The following PITPNA variants were observed in gnomAD, a reference collection of about 807,000 sequenced individuals.
PITPNA encodes the protein phosphatidylinositol transfer protein alpha.
In PITPNA, 13 loss-of-function variants were observed where a neutral mutation model predicts 50.3. The observed-to-expected ratio is 0.26, with a 90% CI of 0.17 to 0.41. The LOEUF (loss-of-function observed/expected upper bound fraction) is 0.41, where lower values mean the gene tolerates loss of function less well. Ranked by LOEUF, PITPNA falls within the 10% of genes least tolerant of loss-of-function variation. The pLI, the probability that PITPNA is intolerant of heterozygous loss-of-function variation, is 1.00. For synonymous variants in PITPNA, 120 were observed against 119.6 expected (o/e 1.00, Z -0.02); for missense variants, 207 against 333.4 (o/e 0.62, Z 2.95).
chr17:1,535,124 C>G (rs1425761075), intron 9 of PITPNA, 58 bp downstream of exon 9: 1 of 1,061,092 alleles, frequency 9.4e-7, no homozygotes, highest in Non-Finnish European at 1.4e-6. Context: ...AAGTTCTCCA[C>G]CACCCCCCCA....
Position 1,519,748 on chromosome 17 carries a change from G to A in PITPNA, c.*813C>T, listed in dbSNP as rs2075497609. On this transcript the variant is annotated 3_prime_UTR_variant, in exon 12 of 12. Coordinates refer to ENST00000313486, the MANE Select transcript of PITPNA (RefSeq NM_006224.4). ...TCGGGGTCAGACAGTTGGTATCTAG[G>A]GGGTGACTCAATTCTAGGGGCCACA... The A allele has an allele frequency of 6.6e-6, 1 of 152,572 alleles. No homozygotes were observed. The highest frequency in any genetic ancestry group is 2.4e-5 in the African/African-American group (1 of 41,548). The allele number at this position is 152,572 out of a possible 1,614,324, so 9.5% of individuals were successfully genotyped here. A position where few individuals can be genotyped will look rare whatever the true frequency, so the allele number is the denominator to read the frequency against.
At chr17:1,557,948 C>T (rs182407831) in intron 2 of PITPNA, among the ~76,000 whole-genome samples, 3 of 152,252 alleles carry the variant, frequency 2.0e-5, no homozygotes, top group Non-Finnish European at 2.9e-5. Flanking sequence ...AATGCGTCCC[C>T]GGCCGGGTGT....
At chr17:1,542,335 A>G (rs2075652256) in intron 5 of PITPNA, among the ~76,000 whole-genome samples, 1 of 152,150 alleles carries the variant, frequency 6.6e-6, no homozygotes, top group South Asian at 2.1e-4. Context: ...TTCCTAACCC[A>G]TCGAAGATAC....
At chr17:1,529,150 A>G (rs1472291678) in intron 10 of PITPNA, among the ~76,000 whole-genome samples, 2 of 106,880 alleles carry the variant, frequency 1.9e-5, no homozygotes, top group Non-Finnish European at 3.8e-5. Flanking sequence ...AAAAAAAAAA[A>G]AAAAAAGAGA....
chr17:1,559,768 ACAC>A (rs1239824506), intron 1 of PITPNA: 1 of 985,316 alleles, frequency 1.0e-6, no homozygotes, highest in African/African-American at 1.7e-5. Context: ...CAAAGGCAAG[ACAC>A]CAAGCAGGAA....
chr17:1,561,526 C>T (rs2075768086), intron 1 of PITPNA, among the ~76,000 whole-genome samples: 2 of 152,210 alleles, frequency 1.3e-5, no homozygotes, highest in African/African-American at 4.8e-5. Flanking sequence ...GTATACTCAT[C>T]CCAACATACT....
chr17:1,528,393 T>C (rs1158957004), intron 10 of PITPNA, among the ~76,000 whole-genome samples: 1 of 152,130 alleles, frequency 6.6e-6, no homozygotes. Context: ...AGCCCAACTT[T>C]AGCCTCCCAA....
intron 10 of PITPNA, among the ~76,000 whole-genome samples, chr17:1,531,337 G>A (rs892335208): frequency 1.3e-5 from 2 of 151,930 alleles, no homozygotes; most frequent in Non-Finnish European, 2.9e-5. Flanking sequence ...TCCCGCCCCC[G>A]AATGTAACTA....
chr17:1,539,009 T>C, intron 6 of PITPNA, 57 bp from the exon 7 acceptor site: 3 of 1,147,024 alleles, frequency 2.6e-6, no homozygotes, highest in South Asian at 2.5e-5. Context: ...AAATATCCTT[T>C]AGCCAGAATG....
intron 3 of PITPNA, 79 bp downstream of exon 3, chr17:1,552,925 T>C (rs535457522): frequency 3.5e-6 from 5 of 1,415,126 alleles, no homozygotes; most frequent in East Asian, 4.6e-5. Context: ...ATCCCATCTA[T>C]ATAAAACAAT....
rs577121060 is a variant in PITPNA at position 1,558,441 on chromosome 17, A to G, written c.51+88T>C. ...ATGTTAGAACAAATAAGAAAACTATATAAACAGGATAACCACTCAGAGCCC... is the reference window on the plus strand; with the variant it reads ...ATGTTAGAACAAATAAGAAAACTATGTAAACAGGATAACCACTCAGAGCCC... On this transcript the variant is annotated intron_variant, in intron 2 of 11. Coordinates refer to ENST00000313486, the MANE Select transcript of PITPNA (RefSeq NM_006224.4). The G allele has an allele frequency of 1.8e-4, 147 of 794,706 alleles. 3 individuals are homozygous for G. In the South Asian group the frequency reaches 2.2e-3, roughly 12 times the overall value. The allele number at this position is 794,706 out of a possible 1,614,324, so 49.2% of individuals were successfully genotyped here.
chr17:1,544,009 G>GC (rs1345616930), intron 4 of PITPNA, among the ~76,000 whole-genome samples: 3 of 152,240 alleles, frequency 2.0e-5, no homozygotes, highest in Non-Finnish European at 4.4e-5. Context: ...CCCGCATGTG[G>GC]CATCTCTGGC....
Position 1,562,446 on chromosome 17 carries a change from T to G in PITPNA, c.20+95A>C. On this transcript the variant is annotated intron_variant, in intron 1 of 11. Transcript: ENST00000313486. The surrounding 1 kb of genome is among the most constrained non-coding windows in gnomAD (Gnocchi z 6.4). ...ACCCTCCGTCCCTGCTGCCCCTCCGTCCATCCGGGCCCTGCGTCCCTCGCC... is the reference window on the plus strand; with the variant it reads ...ACCCTCCGTCCCTGCTGCCCCTCCGGCCATCCGGGCCCTGCGTCCCTCGCC... 2.0e-6 allele frequency: 2 copies of G among 1,021,646 alleles called. No homozygotes were observed. The highest frequency in any genetic ancestry group is 1.3e-6 in the Non-Finnish European group (1 of 748,256). The allele number at this position is 1,021,646 out of a possible 1,614,324, so 63.3% of individuals were successfully genotyped here.
intron 10 of PITPNA, among the ~76,000 whole-genome samples, chr17:1,526,089 A>C (rs1190483298): frequency 6.6e-6 from 1 of 152,096 alleles, no homozygotes; most frequent in Non-Finnish European, 1.5e-5. Flanking sequence ...AACAAGACAA[A>C]CCCAGAACAC....
intron 7 of PITPNA, among the ~76,000 whole-genome samples, chr17:1,536,579 GC>G (rs2075618893): frequency 6.7e-6 from 1 of 149,010 alleles, no homozygotes; most frequent in East Asian, 2.0e-4. Flanking sequence ...GTGAGCCACC[GC>G]GCCCTGCCTT....
Position 1,535,165 on chromosome 17 carries a change from T to A in PITPNA, c.645+17A>T, listed in dbSNP as rs1290503638. 4.6e-6 allele frequency: 7 copies of A among 1,518,828 alleles called. No homozygotes were observed. The highest frequency in any genetic ancestry group is 6.4e-6 in the Non-Finnish European group (7 of 1,093,930). 94.1% of individuals were successfully genotyped at this position (1,518,828 alleles called of 1,614,324 possible). A position where few individuals can be genotyped will look rare whatever the true frequency, so the allele number is the denominator to read the frequency against. ...CACACACGCAGTCACTGGGAAGGCC[T>A]CAGCCGAGCTACTTACCTTATGGAT... On this transcript the variant is annotated intron_variant, in intron 9 of 11. Coordinates refer to ENST00000313486, the MANE Select transcript of PITPNA (RefSeq NM_006224.4).
chr17:1,553,225 T>C (rs980446919), intron 2 of PITPNA, 76 bp from the exon 3 acceptor site: 28 of 1,503,052 alleles, frequency 1.9e-5, no homozygotes, highest in Non-Finnish European at 2.4e-5. Flanking sequence ...TGCCAGTAAG[T>C]GTCTAACTGG....
intron 5 of PITPNA, 68 bp from the exon 6 acceptor site, chr17:1,541,708 C>T (rs1317297388): frequency 1.0e-6 from 1 of 973,530 alleles, no homozygotes; most frequent in East Asian, 2.5e-5. Context: ...TCTCCCATTA[C>T]TGGAGATGGG....
At position 1,553,197 on chromosome 17, in the gene PITPNA, G is replaced by T. The variant is rs138514362; in HGVS notation, c.52-48C>A. On this transcript the variant is annotated intron_variant, in intron 2 of 11. Coordinates refer to ENST00000313486, the MANE Select transcript of PITPNA (RefSeq NM_006224.4). ...ATTCTCAACACGGACCCTTCTCAAC[G>T]GTTACACGTAATCCAGCTGCCAGTA... The T allele has an allele frequency of 2.3e-4, 361 of 1,599,940 alleles. 3 individuals are homozygous for T. The East Asian group carries it at 7.5e-3, about 33-fold the overall frequency.
Sources: allele counts gnomAD v4.1 joint callset (sites outside exome capture counted in the v4.1 genomes callset), GRCh38; gene constraint gnomAD v4.1.1; non-coding constraint Gnocchi (gnomAD v3.1); transcripts MANE v1.5; gene names NCBI Gene and HGNC (gene_info 2026-07-23, HGNC 2026-07-21).